Variants in CNTN5 observed in about 807,000 individuals in gnomAD.
CNTN5 encodes contactin-5.
CNTN5 carries 77 observed loss-of-function variants against 129.1 expected under a neutral mutation model. That is an observed-to-expected ratio of 0.60 (90% CI 0.50 to 0.72). The LOEUF is 0.72. Ranked by LOEUF, CNTN5 falls within the 30% of genes least tolerant of loss-of-function variation. The pLI is 0.00. For synonymous variants in CNTN5, 509 were observed against 465.6 expected (o/e 1.09, Z -1.20); for missense variants, 1,478 against 1,328.8 (o/e 1.11, Z -1.75).
chr11:100,194,332 A>C (rs1305527351), intron 15 of CNTN5, among the ~76,000 whole-genome samples: 1 of 151,936 alleles, frequency 6.6e-6, no homozygotes, highest in African/African-American at 2.4e-5. Flanking sequence ...AGAGTAACAT[A>C]ATGAGAGAGG....
chr11:99,740,057 A>C (rs1943840458), intron 3 of CNTN5, among the ~76,000 whole-genome samples: 1 of 148,506 alleles, frequency 6.7e-6, no homozygotes, highest in African/African-American at 2.5e-5. Context: ...CTATAATATT[A>C]TTTCAAAATT....
intron 1 of CNTN5, among the ~76,000 whole-genome samples, chr11:99,072,701 G>A (rs1865388547): frequency 1.3e-5 from 2 of 151,884 alleles, no homozygotes; most frequent in Admixed American, 6.6e-5. Context: ...CTTGCTTTTT[G>A]TTTTAATTTC....
chr11:100,241,804 G>A (rs956940206), intron 16 of CNTN5, among the ~76,000 whole-genome samples: 1 of 152,148 alleles, frequency 6.6e-6, no homozygotes, highest in African/African-American at 2.4e-5. Context: ...AGGATCCTCA[G>A]AAACTATCAC....
At chr11:100,299,040 T>C in intron 19 of CNTN5, 122 bp from the exon 20 acceptor site, 2 of 628,172 alleles carry the variant, frequency 3.2e-6, no homozygotes, top group Admixed American at 3.2e-5. Flanking sequence ...TCCAATGTAG[T>C]ATAAAGATTT....
intron 3 of CNTN5, among the ~76,000 whole-genome samples, chr11:99,819,304 C>CCTCCCCTGTTCTCCCCTCCT (rs1565566829): frequency 3.7e-4 from 14 of 37,410 alleles, no homozygotes; most frequent in African/African-American, 1.5e-3. Flanking sequence ...CCTCCCCTTC[C>CCTCCCCTGTTCTCCCCTCCT]CTCCCCTCTC....
rs190370074 is a variant in CNTN5, at chr11:99,335,864, G to T, written c.-71+10380G>T. 3.3e-5 allele frequency among the ~76,000 whole-genome samples: 5 copies of T among 152,166 alleles called. No individual in the cohort carries two copies. The East Asian group carries it at 9.7e-4, about 29-fold the overall frequency. On this transcript the variant is annotated intron_variant, in intron 2 of 24. Transcript: ENST00000524871. ...ACTCGGACCCTCGAGATGAGACAAT[G>T]AGTACAGGAACAGTCCTCTATGCCT...
chr11:99,661,824 A>T (rs1952603632), intron 3 of CNTN5, among the ~76,000 whole-genome samples: 1 of 152,140 alleles, frequency 6.6e-6, no homozygotes, highest in South Asian at 2.1e-4. Context: ...AATTGCTTCA[A>T]AAACTAGGTA....
intron 9 of CNTN5, among the ~76,000 whole-genome samples, chr11:100,028,326 T>G (rs1941532190): frequency 6.6e-6 from 1 of 152,196 alleles, no homozygotes; most frequent in Non-Finnish European, 1.5e-5. Context: ...AAATATCAGT[T>G]CAATTATCTG....
At chr11:99,311,915 A>G (rs1249810139) in intron 1 of CNTN5, among the ~76,000 whole-genome samples, 2 of 152,158 alleles carry the variant, frequency 1.3e-5, no homozygotes, top group African/African-American at 2.4e-5. Flanking sequence ...TTTACTATCT[A>G]CAGGTATAAC....
At chr11:100,169,090 G>A (rs977095942) in intron 13 of CNTN5, among the ~76,000 whole-genome samples, 3 of 151,958 alleles carry the variant, frequency 2.0e-5, no homozygotes, top group African/African-American at 7.2e-5. Context: ...GTCCCTTATG[G>A]ATGAATAAAG....
At chr11:100,173,559 G>A (rs1164957005) in intron 13 of CNTN5, among the ~76,000 whole-genome samples, 2 of 152,120 alleles carry the variant, frequency 1.3e-5, no homozygotes, top group Non-Finnish European at 2.9e-5. Context: ...CCCGTGGGTT[G>A]GATGGATGGA....
intron 1 of CNTN5, among the ~76,000 whole-genome samples, chr11:99,209,972 A>G (rs1859683407): frequency 6.6e-6 from 1 of 152,174 alleles, no homozygotes; most frequent in Non-Finnish European, 1.5e-5. Flanking sequence ...TTCTTTAGTA[A>G]TGTAAAACCT....
chr11:100,202,942 A>C (rs73000865), intron 15 of CNTN5, among the ~76,000 whole-genome samples: 8,060 of 152,088 alleles, frequency 0.053, 301 homozygotes, highest in East Asian at 0.17. Flanking sequence ...GTTGTAAAGC[A>C]CAGAGAGAAC....
intron 13 of CNTN5, among the ~76,000 whole-genome samples, chr11:100,131,291 G>GAA (rs1946371635): frequency 6.6e-6 from 1 of 151,944 alleles, no homozygotes; most frequent in African/African-American, 2.4e-5. Context: ...AAGGAAAGAA[G>GAA]GATTTCAGGT....
At chr11:99,788,204 T>A (rs1246408706) in intron 3 of CNTN5, among the ~76,000 whole-genome samples, 1 of 151,972 alleles carries the variant, frequency 6.6e-6, no homozygotes, top group Non-Finnish European at 1.5e-5. Context: ...TTTAGTTTCT[T>A]AACTTCAACA....
chr11:99,524,231 G>A (rs1288431752), intron 2 of CNTN5, among the ~76,000 whole-genome samples: 2 of 152,048 alleles, frequency 1.3e-5, no homozygotes, highest in African/African-American at 4.8e-5. Flanking sequence ...GCATTGTCAG[G>A]TCACTATTTG....
intron 1 of CNTN5, among the ~76,000 whole-genome samples, chr11:99,216,688 AT>A (rs1386112577): frequency 6.6e-6 from 1 of 152,140 alleles, no homozygotes; most frequent in Non-Finnish European, 1.5e-5. Flanking sequence ...GGAAGACAAC[AT>A]TGGGGAAACA....
intron 3 of CNTN5, among the ~76,000 whole-genome samples, chr11:99,566,717 A>G (rs1949018146): frequency 6.6e-6 from 1 of 152,188 alleles, no homozygotes; most frequent in African/African-American, 2.4e-5. Flanking sequence ...TTTTAATAGA[A>G]CAGCCTAATA....
intron 1 of CNTN5, among the ~76,000 whole-genome samples, chr11:99,126,415 T>A (rs1262024659): frequency 1.3e-5 from 2 of 152,190 alleles, no homozygotes; most frequent in Non-Finnish European, 2.9e-5. Flanking sequence ...GGAGTGTGAC[T>A]AAAGTTGAGA....
Sources: gnomAD v4.1 joint callset for allele counts (sites outside exome capture counted in the v4.1 genomes callset) on GRCh38, gnomAD v4.1.1 for gene constraint, MANE v1.5 for transcripts, NCBI Gene and HGNC (gene_info 2026-07-23, HGNC 2026-07-21) for gene names.